The following ATP11C variants were observed in gnomAD, a reference collection of about 807,000 sequenced individuals.
ATP11C encodes ATPase phospholipid transporting 11C (ATP11C blood group).
In ATP11C, 36 loss-of-function variants were observed where a neutral mutation model predicts 97.4. The ratio of observed to expected loss-of-function variants is 0.37; its 90% CI spans 0.28 to 0.49. The LOEUF (loss-of-function observed/expected upper bound fraction) is 0.49, where lower values mean the gene tolerates loss of function less well. Among genes scored for constraint, ATP11C ranks in the 20% least tolerant of loss-of-function variants. The probability of loss-of-function intolerance (pLI) is 0.98; values close to 1 mark genes in which losing one functional copy is unlikely to be tolerated. For synonymous variants in ATP11C, 275 were observed against 290.9 expected, an observed-to-expected ratio of 0.95 and a Z score of 0.56; for missense variants, 730 against 824.6, an observed-to-expected ratio of 0.89 and a Z score of 1.40.
At chrX:139,797,464 A>G in intron 10 of ATP11C, 138 bp from the exon 11 acceptor site, 2 of 422,190 alleles carry the variant, frequency 4.7e-6, no homozygotes, top group Non-Finnish European at 7.5e-6. Context: ...CTCAGTTATC[A>G]TAGCTGCAGC....
intron 1 of ATP11C, among the ~76,000 whole-genome samples, chrX:139,894,711 A>G (rs887392028): frequency 8.9e-6 from 1 of 112,336 alleles, no homozygotes; most frequent in African/African-American, 3.2e-5. Flanking sequence ...ATCATTACAC[A>G]TTTTATGAAT....
At chrX:139,863,854 G>C (rs1006700556) in intron 1 of ATP11C, among the ~76,000 whole-genome samples, 3 of 111,355 alleles carry the variant, frequency 2.7e-5, no homozygotes, top group African/African-American at 9.8e-5. Context: ...TTGAGCCTGG[G>C]AGCTTGAGAC....
intron 1 of ATP11C, among the ~76,000 whole-genome samples, chrX:139,836,759 C>T (rs5954768): frequency 0.058 from 6,406 of 110,955 alleles, 440 homozygotes; most frequent in African/African-American, 0.2. Flanking sequence ...TAGCAATTTA[C>T]TTAATGGTAA....
intron 1 of ATP11C, among the ~76,000 whole-genome samples, chrX:139,851,035 C>T (rs1603400971): frequency 8.9e-6 from 1 of 112,000 alleles, no homozygotes; most frequent in South Asian, 3.7e-4. Context: ...CAACCCTTTG[C>T]TACAGAGATT....
intron 1 of ATP11C, among the ~76,000 whole-genome samples, chrX:139,833,378 T>C (rs2083690618): frequency 9.0e-6 from 1 of 111,481 alleles, no homozygotes. Flanking sequence ...GTTGAATAAA[T>C]GAAGAAAGTA....
At chrX:139,812,752 T>C (rs2083203233) in intron 5 of ATP11C, among the ~76,000 whole-genome samples, 1 of 111,112 alleles carries the variant, frequency 9.0e-6, no homozygotes, top group South Asian at 3.8e-4. Context: ...ACTCCTGGAC[T>C]CAAGCGATCC....
intron 1 of ATP11C, among the ~76,000 whole-genome samples, chrX:139,856,180 G>A (rs939007360): frequency 5.3e-5 from 6 of 112,298 alleles, no homozygotes; most frequent in Admixed American, 3.7e-4. Context: ...TCCTCCAGTC[G>A]ACCAGGCGTG....
chrX:139,858,497 C>T (rs1451111157), intron 1 of ATP11C, among the ~76,000 whole-genome samples: 1 of 111,833 alleles, frequency 8.9e-6, no homozygotes, highest in African/African-American at 3.3e-5. Flanking sequence ...CTTTAATTAC[C>T]ATCTTTATGT....
intron 1 of ATP11C, among the ~76,000 whole-genome samples, chrX:139,873,363 G>T (rs1050663977): frequency 2.7e-5 from 3 of 111,583 alleles, no homozygotes; most frequent in Non-Finnish European, 5.6e-5. Flanking sequence ...AGTTGTGATG[G>T]TTGCACAATA....
At chrX:139,823,568 A>G (rs1245486228) in intron 2 of ATP11C, among the ~76,000 whole-genome samples, 2 of 112,309 alleles carry the variant, frequency 1.8e-5, no homozygotes, top group Non-Finnish European at 3.7e-5. Flanking sequence ...TAGCATTAAA[A>G]ATGCAGATGA....
intron 2 of ATP11C, among the ~76,000 whole-genome samples, chrX:139,820,044 G>A (rs938420290): frequency 7.2e-5 from 8 of 111,338 alleles, no homozygotes; most frequent in Admixed American, 2.9e-4. Flanking sequence ...AAAATTAGCC[G>A]GGTGTGGTGA....
intron 12 of ATP11C, among the ~76,000 whole-genome samples, chrX:139,790,301 T>C (rs1023658853): frequency 2.7e-5 from 3 of 111,521 alleles, no homozygotes; most frequent in Non-Finnish European, 5.6e-5. Flanking sequence ...GCTGGTCCCA[T>C]ACTCCTGGGC....
chrX:139,911,863 C>T (rs752789470), intron 1 of ATP11C, among the ~76,000 whole-genome samples: 1 of 110,672 alleles, frequency 9.0e-6, no homozygotes, highest in East Asian at 2.8e-4. Flanking sequence ...TGAATTATGC[C>T]TACATAAAAC....
Position 139,800,129 on chromosome X carries a change from T to G in ATP11C, c.660-19A>C, listed in dbSNP as rs1422963327. 8.7e-7 allele frequency: 1 copy of G among 1,144,217 alleles called. No individual in the cohort carries two copies. 94.3% of individuals were successfully genotyped at this position (1,144,217 alleles called of 1,213,427 possible). On this transcript the variant is annotated intron_variant, in intron 7 of 29. Coordinates refer to ENST00000682941, the MANE Select transcript of ATP11C (RefSeq NM_001353812.2). Reference sequence around the variant, plus strand: ...AACAAATCTGTAAAAAGAACAAAATTGCAAATGTGTTTTCTACATCCAGGT... The same window carrying G: ...AACAAATCTGTAAAAAGAACAAAATGGCAAATGTGTTTTCTACATCCAGGT...
chrX:139,773,947 C>T (rs746943631), intron 19 of ATP11C, among the ~76,000 whole-genome samples: 1 of 112,274 alleles, frequency 8.9e-6, no homozygotes, highest in East Asian at 2.8e-4. Flanking sequence ...GTTCCTGGAA[C>T]ATAAAGTGTG....
intron 22 of ATP11C, among the ~76,000 whole-genome samples, chrX:139,761,220 G>A (rs1210117415): frequency 1.8e-5 from 2 of 111,194 alleles, no homozygotes; most frequent in Non-Finnish European, 3.8e-5. Context: ...ACAGTGAGCC[G>A]AGATCGCGCC....
At chrX:139,825,998 G>A (rs764209100) in intron 2 of ATP11C, among the ~76,000 whole-genome samples, 16 of 112,264 alleles carry the variant, frequency 1.4e-4, no homozygotes, top group Middle Eastern at 4.6e-3. Flanking sequence ...TTTCACCAAC[G>A]AGGACATTTA....
intron 12 of ATP11C, 141 bp downstream of exon 12, chrX:139,796,132 T>C (rs2082789495): frequency 2.5e-6 from 1 of 396,715 alleles, no homozygotes. Context: ...CTGCTTACCT[T>C]CATTACATGC....
At chrX:139,890,696 G>C (rs1206517690) in intron 1 of ATP11C, among the ~76,000 whole-genome samples, 1 of 112,411 alleles carries the variant, frequency 8.9e-6, no homozygotes, top group African/African-American at 3.2e-5. Flanking sequence ...GCCAGGCTCT[G>C]TGTTAAACTG....
Sources: allele counts gnomAD v4.1 joint callset (sites outside exome capture counted in the v4.1 genomes callset), GRCh38; gene constraint gnomAD v4.1.1; transcripts MANE v1.5; gene names NCBI Gene and HGNC (gene_info 2026-07-23, HGNC 2026-07-21).